The following TDG variants were observed in gnomAD, a reference collection of about 807,000 sequenced individuals.
TDG encodes thymine DNA glycosylase, also known as G/T mismatch-specific thymine DNA glycosylase.
In TDG, 23 loss-of-function variants were observed where a neutral mutation model predicts 46.1. The observed-to-expected ratio is 0.50, with a 90% confidence interval of 0.36 to 0.71. The LOEUF (loss-of-function observed/expected upper bound fraction) is 0.71. Ranked by LOEUF, TDG falls within the 30% of genes least tolerant of loss-of-function variation. TDG has a pLI of 0.00. For synonymous variants in TDG, 115 were observed against 161.3 expected, an observed-to-expected ratio of 0.71 and a Z score of 2.18; for missense variants, 304 against 486.7, an observed-to-expected ratio of 0.62 and a Z score of 3.53.
intron 1 of TDG, among the ~76,000 whole-genome samples, chr12:103,975,745 T>A (rs888985285): frequency 5.3e-5 from 8 of 152,096 alleles, no homozygotes; most frequent in South Asian, 2.1e-4. Context: ...CACTTAAACC[T>A]CCACCTTCCA....
chr12:103,987,968 T>A lies in TDG; in HGVS notation c.*878T>A. ...AGATATTTGATACTCTCATTTAAAC[T>A]GGTGCTTTATGTACATGAGATGTAC... On this transcript the variant is annotated 3_prime_UTR_variant, in exon 10 of 10. Coordinates refer to ENST00000392872, the MANE Select transcript of TDG (RefSeq NM_003211.6). The A allele has an allele frequency of 6.6e-6, 1 of 152,616 alleles. No individual in the cohort carries two copies. Among genetic ancestry groups the A allele is most frequent in the Non-Finnish European group, 1.5e-5 (1 of 67,988 alleles). The allele number at this position is 152,616 out of a possible 1,614,324, so 9.5% of individuals were successfully genotyped here.
chr12:103,974,957 A>G (rs774686857), intron 1 of TDG, among the ~76,000 whole-genome samples: 39 of 140,438 alleles, frequency 2.8e-4, no homozygotes, highest in Non-Finnish European at 4.7e-4. Flanking sequence ...CCTGGGCGAC[A>G]GGGCGAGACT....
At chr12:103,973,367 G>A (rs1871367151) in intron 1 of TDG, among the ~76,000 whole-genome samples, 3 of 152,136 alleles carry the variant, frequency 2.0e-5, no homozygotes, top group Admixed American at 2.0e-4. Flanking sequence ...TTACAGGCGT[G>A]AGCCACTGCA....
chr12:103,981,326 C>T (rs1871821970), intron 4 of TDG, among the ~76,000 whole-genome samples: 1 of 149,780 alleles, frequency 6.7e-6, no homozygotes, highest in Non-Finnish European at 1.5e-5. Context: ...ATCTCCACCT[C>T]CCAGGTTCAA....
At chr12:103,986,076 T>C (rs573158810) in intron 9 of TDG, among the ~76,000 whole-genome samples, 24 of 152,158 alleles carry the variant, frequency 1.6e-4, no homozygotes, top group Admixed American at 7.2e-4. Flanking sequence ...TCCGCCACGA[T>C]GCCTGGCTAA....
intron 1 of TDG, among the ~76,000 whole-genome samples, chr12:103,974,988 A>G (rs550338364): frequency 2.3e-3 from 326 of 139,730 alleles, no homozygotes; most frequent in African/African-American, 8.0e-3. Context: ...AAAAAAAAAA[A>G]AAAAAGAAAA....
At chr12:103,974,155 A>G (rs939764796) in intron 1 of TDG, among the ~76,000 whole-genome samples, 1 of 151,032 alleles carries the variant, frequency 6.6e-6, no homozygotes, top group Non-Finnish European at 1.5e-5. Context: ...CAGGCCATTT[A>G]AGCTTATCCA....
rs545071083 is a variant in TDG at position 103,984,355 on chromosome 12, A to G, written c.793-394A>G. Among the ~76,000 whole-genome samples, 5 of 152,218 alleles carry G rather than the reference A, an allele frequency of 3.3e-5. No homozygotes were observed. The East Asian group carries it at 9.7e-4, about 29-fold the overall frequency. On this transcript the variant is annotated intron_variant, in intron 7 of 9. Transcript: ENST00000392872. ...ATGCCTATAATCCCAGCACTTTGGG[A>G]GGCCGAGGCAGGCGGATCACCTGAG... is the stretch of plus-strand genomic sequence containing the variant.
intron 8 of TDG, 94 bp downstream of exon 8, chr12:103,985,014 TACAC>T: frequency 9.9e-7 from 1 of 1,008,670 alleles, no homozygotes; most frequent in Non-Finnish European, 1.3e-6. Context: ...TATATACATA[TACAC>T]ATATACATAT....
At position 103,987,805 on chromosome 12, in the gene TDG, C is replaced by G. The variant is rs1417603180; in HGVS notation, c.*715C>G. 32 of 152,474 alleles carry G rather than the reference C, an allele frequency of 2.1e-4. No individual in the cohort carries two copies. Among genetic ancestry groups the G allele is most frequent in the African/African-American group, 7.2e-4 (30 of 41,460 alleles). The allele number at this position is 152,474 out of a possible 1,614,324, so 9.4% of individuals were successfully genotyped here. A position where few individuals can be genotyped will look rare whatever the true frequency, so the allele number is the denominator to read the frequency against. ...CCACTCATCTGTGTTTTACTTGAGA[C>G]ATGTAAATATGATAGGGAAGGAACT... On this transcript the variant is annotated 3_prime_UTR_variant, in exon 10 of 10. Coordinates refer to ENST00000392872, the MANE Select transcript of TDG (RefSeq NM_003211.6).
At chr12:103,982,726 C>T (rs1871904984) in intron 4 of TDG, 73 bp from the exon 5 acceptor site, 2 of 1,535,826 alleles carry the variant, frequency 1.3e-6, no homozygotes, top group East Asian at 2.3e-5. Context: ...GATCGTGCCA[C>T]TACACTCTAG....
chr12:103,979,319 G>C (rs1263776031), intron 2 of TDG, among the ~76,000 whole-genome samples: 4 of 151,936 alleles, frequency 2.6e-5, no homozygotes, highest in Non-Finnish European at 5.9e-5. Context: ...GGCCAGGCTG[G>C]TCTTGAACTC....
At chr12:103,974,980 A>C (rs1236275383) in intron 1 of TDG, among the ~76,000 whole-genome samples, 6 of 129,334 alleles carry the variant, frequency 4.6e-5, no homozygotes, top group South Asian at 2.5e-4. Context: ...GTCTCAAAAA[A>C]AAAAAAAAAA....
chr12:103,973,839 C>T (rs1352852344), intron 1 of TDG, among the ~76,000 whole-genome samples: 1 of 152,174 alleles, frequency 6.6e-6, no homozygotes, highest in Non-Finnish European at 1.5e-5. Context: ...TGTTCTTTTA[C>T]ATAAGATAAA....
chr12:103,981,228 T>C (rs1231169875), intron 4 of TDG, among the ~76,000 whole-genome samples: 3 of 58,984 alleles, frequency 5.1e-5, no homozygotes, highest in Non-Finnish European at 3.3e-5. Flanking sequence ...TTGTACTACT[T>C]TTTTTTTTTT....
intron 2 of TDG, among the ~76,000 whole-genome samples, chr12:103,978,977 T>C (rs1200572936): frequency 6.6e-6 from 1 of 152,154 alleles, no homozygotes; most frequent in Non-Finnish European, 1.5e-5. Flanking sequence ...TCTTGCCTTT[T>C]GAAAAATACT....
intron 2 of TDG, 72 bp from the exon 3 acceptor site, chr12:103,979,759 A>G (rs1349586037): frequency 2.6e-6 from 4 of 1,515,840 alleles, no homozygotes; most frequent in Non-Finnish European, 3.5e-6. Flanking sequence ...TAGTTGGGTA[A>G]CTTTTCTGGG....
chr12:103,985,572 C>A, intron 8 of TDG, 31 bp from the exon 9 acceptor site: 1 of 1,568,944 alleles, frequency 6.4e-7, no homozygotes, highest in South Asian at 1.2e-5. Flanking sequence ...TGTACAAAAT[C>A]AGATTTAAAT....
At chr12:103,982,408 C>T (rs1048195685) in intron 4 of TDG, among the ~76,000 whole-genome samples, 1 of 152,158 alleles carries the variant, frequency 6.6e-6, no homozygotes, top group Admixed American at 6.5e-5. Flanking sequence ...GCTATATATT[C>T]TTGGGCAGGC....
Sources: allele counts gnomAD v4.1 joint callset (sites outside exome capture counted in the v4.1 genomes callset), GRCh38; gene constraint gnomAD v4.1.1; transcripts MANE v1.5; gene names NCBI Gene and HGNC (gene_info 2026-07-23, HGNC 2026-07-21).